Variants in CACNA1C observed in about 807,000 individuals in gnomAD.
CACNA1C encodes calcium voltage-gated channel subunit alpha1 C.
A neutral mutation model predicts 229.0 loss-of-function variants in CACNA1C; 30 were observed. That is an observed-to-expected ratio of 0.13 (90% CI 0.10 to 0.18). CACNA1C has a LOEUF of 0.18. Ranked by LOEUF, CACNA1C falls within the 10% of genes least tolerant of loss-of-function variation. The pLI is 1.00. For missense variants in CACNA1C, 1,658 were observed against 2,845.0 expected (o/e 0.58, Z 9.49); for synonymous variants, 1,114 against 1,132.5 (o/e 0.98, Z 0.33).
At chr12:2,263,377 A>C (rs1035808916) in intron 3 of CACNA1C, among the ~76,000 whole-genome samples, 6 of 152,162 alleles carry the variant, frequency 3.9e-5, no homozygotes, top group Non-Finnish European at 1.5e-5. Flanking sequence ...AAGTGCTCAG[A>C]GGTGAGGTCA....
intron 5 of CACNA1C, among the ~76,000 whole-genome samples, chr12:2,462,973 T>C (rs932689624): frequency 1.9e-4 from 27 of 144,548 alleles, no homozygotes; most frequent in Admixed American, 3.6e-4. Flanking sequence ...AGTGCAGTGG[T>C]GTGATCTCGG....
chr12:2,655,283 A>C (rs374585629), intron 34 of CACNA1C, 45 bp downstream of exon 34: 3 of 1,192,524 alleles, frequency 2.5e-6, no homozygotes, highest in Non-Finnish European at 3.7e-6. Context: ...ACACACCTGC[A>C]TGGTGCCACA....
rs150278823 is a variant in CACNA1C at position 2,256,375 on chromosome 12, C to T, written c.477+135945C>T. ...ATTGGAACTGTTTTGCTAAGTCTAGCCTGTGTCTACGTTGCTAGAAAAGCC... is the reference window on the plus strand; with the variant it reads ...ATTGGAACTGTTTTGCTAAGTCTAGTCTGTGTCTACGTTGCTAGAAAAGCC... On this transcript the variant is annotated intron_variant, in intron 3 of 46. Coordinates refer to ENST00000399655, the MANE Select transcript of CACNA1C (RefSeq NM_000719.7). Among the ~76,000 whole-genome samples, 262 of 152,284 alleles carry T rather than the reference C, an allele frequency of 1.7e-3. 1 individual carries two copies. The highest frequency in any genetic ancestry group is 6.1e-3 in the African/African-American group (253 of 41,546).
rs1176115971 is a variant in CACNA1C at position 2,695,933 on chromosome 12, G to A, written c.*4734G>A. 6.6e-6 allele frequency: 1 copy of A among 152,310 alleles called. No homozygotes were observed. The highest frequency in any genetic ancestry group is 1.5e-5 in the Non-Finnish European group (1 of 68,130). 9.4% of individuals were successfully genotyped at this position (152,310 alleles called of 1,614,324 possible). A position where few individuals can be genotyped will look rare whatever the true frequency, so the allele number is the denominator to read the frequency against. On this transcript the variant is annotated 3_prime_UTR_variant, in exon 47 of 47. Transcript: ENST00000399655. ...AGACACACACCGTTAAGGCACAAGG[G>A]CTGGGGTTGAGCTCTAGATGAGGGA...
chr12:2,481,198 C>T (rs991631774), intron 5 of CACNA1C, among the ~76,000 whole-genome samples: 2 of 152,088 alleles, frequency 1.3e-5, no homozygotes, highest in Admixed American at 1.3e-4. Context: ...TTTTATAAAG[C>T]AAAAGAGGAT....
intron 3 of CACNA1C, among the ~76,000 whole-genome samples, chr12:2,184,169 T>C (rs1042825154): frequency 2.6e-5 from 4 of 152,214 alleles, no homozygotes; most frequent in African/African-American, 9.6e-5. Flanking sequence ...GATTTTCAGG[T>C]GTGCGTGTTG....
chr12:2,435,417 C>T (rs1360425126), intron 3 of CACNA1C, among the ~76,000 whole-genome samples: 2 of 152,240 alleles, frequency 1.3e-5, no homozygotes, highest in African/African-American at 4.8e-5. Context: ...GCATCTCCTG[C>T]CCTTTGTAAC....
intron 3 of CACNA1C, among the ~76,000 whole-genome samples, chr12:2,293,754 C>G (rs1329614475): frequency 1.3e-5 from 2 of 152,208 alleles, no homozygotes; most frequent in Non-Finnish European, 2.9e-5. Context: ...GTATGTACTT[C>G]ATTTTCCAAA....
At chr12:2,064,903 C>A (rs2058774577) in intron 1 of CACNA1C, among the ~76,000 whole-genome samples, 1 of 152,186 alleles carries the variant, frequency 6.6e-6, no homozygotes, top group Non-Finnish European at 1.5e-5. Flanking sequence ...CAGCTGAACC[C>A]ATTAATCAGA....
At position 2,186,514 on chromosome 12, in the gene CACNA1C, G is replaced by A. The variant is rs537591523; in HGVS notation, c.477+66084G>A. On this transcript the variant is annotated intron_variant, in intron 3 of 46. Coordinates refer to ENST00000399655, the MANE Select transcript of CACNA1C (RefSeq NM_000719.7). The stretch of plus-strand genomic sequence containing the variant: ...TCACTTTTTTTTATTTTAAAGAAAT[G>A]AAGGGAGAAATAGAGACTAAAAACC... 2.0e-5 allele frequency among the ~76,000 whole-genome samples: 3 copies of A among 152,296 alleles called. No individual in the cohort carries two copies. The South Asian group carries it at 6.2e-4, about 32-fold the overall frequency.
At chr12:2,107,995 A>C (rs1044967849) in intron 1 of CACNA1C, among the ~76,000 whole-genome samples, 1 of 152,230 alleles carries the variant, frequency 6.6e-6, no homozygotes, top group African/African-American at 2.4e-5. Flanking sequence ...AGTAAAATGC[A>C]AAATGCATTT....
intron 3 of CACNA1C, among the ~76,000 whole-genome samples, chr12:2,150,515 C>T (rs937874067): frequency 5.3e-5 from 8 of 152,184 alleles, no homozygotes; most frequent in African/African-American, 1.9e-4. Flanking sequence ...TCTTAATTCC[C>T]AAACAGGGCT....
At chr12:2,533,627 G>A (rs765031992) in intron 9 of CACNA1C, among the ~76,000 whole-genome samples, 6 of 152,148 alleles carry the variant, frequency 3.9e-5, no homozygotes, top group Admixed American at 2.6e-4. Flanking sequence ...TGGGAGCTTC[G>A]GTGGAGAGGA....
chr12:2,396,095 C>T (rs981100134), intron 3 of CACNA1C, among the ~76,000 whole-genome samples: 1 of 152,046 alleles, frequency 6.6e-6, no homozygotes, highest in African/African-American at 2.4e-5. Flanking sequence ...TTCAGCTGAC[C>T]AGGAAGTGTG....
intron 3 of CACNA1C, among the ~76,000 whole-genome samples, chr12:2,328,996 T>C (rs2096445475): frequency 6.6e-6 from 1 of 152,164 alleles, no homozygotes; most frequent in Non-Finnish European, 1.5e-5. Flanking sequence ...TATTTTTACC[T>C]CTCGGATTGA....
chr12:2,481,348 A>G (rs1023171881), intron 5 of CACNA1C, among the ~76,000 whole-genome samples: 3 of 152,192 alleles, frequency 2.0e-5, no homozygotes, highest in African/African-American at 7.2e-5. Context: ...GCTTTCTGCA[A>G]TGGACGGCTT....
intron 3 of CACNA1C, among the ~76,000 whole-genome samples, chr12:2,396,502 C>CTGGGGAATG: frequency 7.4e-6 from 1 of 135,106 alleles, no homozygotes; most frequent in South Asian, 2.3e-4. Context: ...GGCCTCTGGC[C>CTGGGGAATG]TGGGGAATGT....
At chr12:2,556,506 C>G (rs2044367512) in intron 10 of CACNA1C, among the ~76,000 whole-genome samples, 1 of 152,202 alleles carries the variant, frequency 6.6e-6, no homozygotes, top group Non-Finnish European at 1.5e-5. Context: ...TGCTGGTCTT[C>G]CCTTCATAAC....
chr12:2,551,737 C>T (rs1465694502), intron 10 of CACNA1C, among the ~76,000 whole-genome samples: 2 of 152,052 alleles, frequency 1.3e-5, no homozygotes, highest in Non-Finnish European at 2.9e-5. Flanking sequence ...TGGATGAAGA[C>T]GGTTCCTGTT....
Sources: gnomAD v4.1 joint callset for allele counts (sites outside exome capture counted in the v4.1 genomes callset) on GRCh38, gnomAD v4.1.1 for gene constraint, MANE v1.5 for transcripts, NCBI Gene and HGNC (gene_info 2026-07-23, HGNC 2026-07-21) for gene names.